The following COL1A2 variants were observed in gnomAD, a reference collection of about 807,000 sequenced individuals.
COL1A2 encodes the protein collagen alpha-2(I) chain.
Under a neutral mutation model 174.3 loss-of-function variants are expected in COL1A2, and 49 were observed. The ratio of observed to expected loss-of-function variants is 0.28; its 90% CI spans 0.22 to 0.36. The LOEUF is 0.36. Ranked by LOEUF, COL1A2 falls within the 10% of genes least tolerant of loss-of-function variation. COL1A2 has a pLI of 1.00. For missense variants in COL1A2, 1,438 were observed against 1,822.7 expected (o/e 0.79, Z 3.84); for synonymous variants, 655 against 606.6 (o/e 1.08, Z -1.17).
At chr7:94,411,573 C>T (rs1437576254) in intron 23 of COL1A2, among the ~76,000 whole-genome samples, 1 of 152,166 alleles carries the variant, frequency 6.6e-6, no homozygotes, top group Non-Finnish European at 1.5e-5. Flanking sequence ...TTCAGCATCA[C>T]ACTAGCTATG....
In COL1A2 at chr7:94,422,020, T is replaced by C. The variant is rs930455560; in HGVS notation, c.2403+68T>C. On this transcript the variant is annotated intron_variant, in intron 39 of 51. Transcript: ENST00000297268. Reference sequence around the variant, plus strand: ...AAAGGCCTGGCTTCTGATAGGAAACTGGTAAGAAACTCTTCATGAAAACAC... The same window carrying C: ...AAAGGCCTGGCTTCTGATAGGAAACCGGTAAGAAACTCTTCATGAAAACAC... 17 of 1,378,630 alleles carry C rather than the reference T, an allele frequency of 1.2e-5. No homozygotes were observed. The African/African-American group carries it at 1.9e-4, about 15-fold the overall frequency. 85.4% of individuals were successfully genotyped at this position (1,378,630 alleles called of 1,614,324 possible). A position where few individuals can be genotyped will look rare whatever the true frequency, so the allele number is the denominator to read the frequency against.
intron 14 of COL1A2, 26 bp from the exon 15 acceptor site, chr7:94,408,310 T>C (rs778411433): frequency 1.2e-6 from 2 of 1,614,186 alleles, no homozygotes; most frequent in East Asian, 2.2e-5. Flanking sequence ...AGTTTCCACC[T>C]GATCTTCCCT....
Position 94,421,056 on chromosome 7 carries a change from C to A in COL1A2, c.2343C>A (p.Gly781=). The change falls in exon 38 of 52, where the codon GGC becomes GGA. Residue 781 remains glycine (G), a synonymous_variant. Coordinates refer to ENST00000297268, the MANE Select transcript of COL1A2 (RefSeq NM_000089.4). ...CTGCTGGAAGTCGTGGTGATGGAGG[C>A]CCCCCTGTGAGTATTTACAATGGAC... is the stretch of plus-strand genomic sequence containing the variant. ...PGPAGSRGDG[G]PPGMTGFPGA... is the part of the protein sequence containing the mutation. The A allele has an allele frequency of 6.2e-7, 1 of 1,613,854 alleles. No homozygotes were observed. Among genetic ancestry groups the A allele is most frequent in the Admixed American group, 1.7e-5 (1 of 60,020 alleles).
chr7:94,395,006 G>A lies in COL1A2; in HGVS notation c.-26G>A, dbSNP rs998985050. On this transcript the variant is annotated 5_prime_UTR_variant, in exon 1 of 52. Transcript: ENST00000297268. ...GTGACCCAGGGGCTCTGCGACACAA[G>A]GAGTCTGCATGTCTAAGTGCTAGAC... is the stretch of plus-strand genomic sequence containing the variant. 4 of 1,610,348 alleles carry A rather than the reference G, an allele frequency of 2.5e-6. No individual in the cohort carries two copies. The Admixed American group carries it at 6.7e-5, about 27-fold the overall frequency.
At chr7:94,416,607 T>C in intron 31 of COL1A2, 104 bp downstream of exon 31, 3 of 929,590 alleles carry the variant, frequency 3.2e-6, no homozygotes, top group Non-Finnish European at 3.4e-6. Flanking sequence ...TTTATTTATT[T>C]CCAGTTCTGT....
intron 1 of COL1A2, 62 bp from the exon 2 acceptor site, chr7:94,397,686 G>A (rs1791610041): frequency 3.4e-6 from 3 of 883,258 alleles, no homozygotes; most frequent in African/African-American, 3.4e-5. Flanking sequence ...GTTAATTATT[G>A]CTATTGATCC....
chr7:94,414,239 A>C lies in COL1A2; in HGVS notation c.1683A>C (p.Ser561=). ...PPGFQGLPGP[S]GPAGEVGKPG... is the part of the protein sequence containing the mutation. ...ATTTTTAGGGTCTGCCTGGCCCCTC[A>C]GGTCCCGCTGGTGAAGTTGGCAAAC... is the stretch of plus-strand genomic sequence containing the variant. The change falls in exon 29 of 52, where the codon TCA becomes TCC. Residue 561 remains serine (S), a synonymous_variant. Coordinates refer to ENST00000297268, the MANE Select transcript of COL1A2 (RefSeq NM_000089.4). The C allele has an allele frequency of 6.2e-7, 1 of 1,613,804 alleles. No homozygotes were observed. The highest frequency in any genetic ancestry group is 2.2e-5 in the East Asian group (1 of 44,836).
At position 94,430,376 on chromosome 7, in the gene COL1A2, C is replaced by T. The variant is rs755358364; in HGVS notation, c.4084C>T (p.Pro1362Ser). The change falls in exon 52 of 52, where the codon CCA becomes TCA. Residue 1362 changes from proline to serine, a missense_variant. By Grantham distance (74) the Pro-to-Ser change is moderately conservative (BLOSUM62 -1). Around this residue, in one of 3 missense-constraint regions of COL1A2, gnomAD observed 290 missense variants for 298.1 expected, o/e 0.97. Coordinates refer to ENST00000297268, the MANE Select transcript of COL1A2 (RefSeq NM_000089.4). ...ADQEFFVDIG[P>S]VCFK is the part of the protein sequence containing the mutation. ...CCAGGAATTCTTTGTGGACATTGGC[C>T]CAGTCTGTTTCAAATAAATGAACTC... 2.3e-5 allele frequency: 37 copies of T among 1,613,732 alleles called. No individual in the cohort carries two copies. Among genetic ancestry groups the T allele is most frequent in the Admixed American group, 1.2e-4 (7 of 59,980 alleles).
intron 3 of COL1A2, 48 bp downstream of exon 3, chr7:94,398,444 A>T: frequency 1.2e-6 from 1 of 805,472 alleles, no homozygotes; most frequent in South Asian, 2.0e-5. Context: ...ATCAGGGATA[A>T]CATAATTTAA....
At chr7:94,424,204 G>C (rs1298164513) in intron 40 of COL1A2, 132 bp from the exon 41 acceptor site, 1 of 734,074 alleles carries the variant, frequency 1.4e-6, no homozygotes, top group African/African-American at 1.7e-5. Flanking sequence ...GATATCCAAG[G>C]ATATGTCCTA....
At chr7:94,398,083 T>C (rs993232693) in intron 2 of COL1A2, among the ~76,000 whole-genome samples, 2 of 152,154 alleles carry the variant, frequency 1.3e-5, no homozygotes, top group Non-Finnish European at 2.9e-5. Context: ...ATCTTTTCAC[T>C]CCTTTGGAAT....
rs1791868746 is a variant in COL1A2 at position 94,409,361 on chromosome 7, C to G, written c.832C>G (p.Pro278Ala). 14 of 1,614,126 alleles carry G rather than the reference C, an allele frequency of 8.7e-6. No homozygotes were observed. The highest frequency in any genetic ancestry group is 1.1e-5 in the Non-Finnish European group (13 of 1,180,020). ...GAVGNAGPAG[P>A]AGPRGEVGLP... ...TGTTGGTAACGCTGGTCCTGCTGGT[C>G]CCGCCGGTCCCCGTGGTGAAGTGGG... Residue 278 changes from proline (P) to alanine (A), a missense_variant, in exon 17 of 52, where the codon CCC becomes GCC. Coordinates refer to ENST00000297268, the MANE Select transcript of COL1A2 (RefSeq NM_000089.4).
chr7:94,404,208 C>T (rs181560900), intron 6 of COL1A2, among the ~76,000 whole-genome samples: 159 of 152,292 alleles, frequency 1.0e-3, no homozygotes, highest in African/African-American at 3.7e-3. Context: ...AATGGACATG[C>T]TTCATCTGCT....
Position 94,429,249 on chromosome 7 carries a change from G to A in COL1A2, c.3773G>A (p.Arg1258His), listed in dbSNP as rs200663095. The change falls in exon 51 of 52, where the codon CGC (arginine) becomes CAC (histidine). Residue 1258 changes from arginine to histidine, a missense_variant. This residue lies in a region of COL1A2 where 290 missense variants were observed against 298.1 expected (regional missense o/e 0.97). Transcript: ENST00000297268. ...ATGGCTACCCAACTTGCCTTCATGCGCCTGCTGGCCAACTATGCCTCTCAG... is the reference window on the plus strand; with the variant it reads ...ATGGCTACCCAACTTGCCTTCATGCACCTGCTGGCCAACTATGCCTCTCAG... Reference protein sequence around the residue: ...KEMATQLAFMRLLANYASQNI... With the variant: ...KEMATQLAFMHLLANYASQNI... 13 of 1,613,424 alleles carry A rather than the reference G, an allele frequency of 8.1e-6. No individual in the cohort carries two copies. Among genetic ancestry groups the A allele is most frequent in the Admixed American group, 1.7e-5 (1 of 59,956 alleles).
At chr7:94,400,568 A>ATATTTATTT (rs1791669904) in intron 5 of COL1A2, among the ~76,000 whole-genome samples, 2 of 152,158 alleles carry the variant, frequency 1.3e-5, no homozygotes, top group Non-Finnish European at 2.9e-5. Context: ...GTAAGGCACA[A>ATATTTATTT]ATAAGAGGTG....
intron 31 of COL1A2, chr7:94,416,855 C>T (rs2115918514): frequency 5.0e-6 from 1 of 200,194 alleles, no homozygotes; most frequent in East Asian, 1.2e-4. Context: ...AACATCTCAT[C>T]CCATAGAGTA....
At chr7:94,429,961 A>C in intron 51 of COL1A2, 2 of 467,052 alleles carry the variant, frequency 4.3e-6, no homozygotes, top group Non-Finnish European at 7.8e-6. Flanking sequence ...TACACACAAC[A>C]ATCCTAAAAA....
In COL1A2 at chr7:94,405,187, T is replaced by C. The variant is rs760058201; in HGVS notation, c.433-12T>C. 6.2e-7 allele frequency: 1 copy of C among 1,613,784 alleles called. No homozygotes were observed. The highest frequency in any genetic ancestry group is 8.5e-7 in the Non-Finnish European group (1 of 1,179,802). The stretch of plus-strand genomic sequence containing the variant: ...CAAGAAGAAGTTGACTCTACAATGT[T>C]TTCATGTTTAGGGTCACCCTGGAAA... On this transcript the variant is annotated splice_polypyrimidine_tract_variant and intron_variant, in intron 9 of 51. Coordinates refer to ENST00000297268, the MANE Select transcript of COL1A2 (RefSeq NM_000089.4).
In COL1A2 at chr7:94,410,505, C is replaced by T; in HGVS notation, c.1175C>T (p.Pro392Leu). ...AATGGGGAAGCTGGATCTGCCGGCC[C>T]TCCAGGACCTCCTGGGCTGAGAGTA... ...GPNGEAGSAG[P>L]PGPPGLRGSP... is the part of the protein sequence containing the mutation. Residue 392 changes from proline (P) to leucine (L), a missense_variant, in exon 21 of 52, where the codon CCT (proline) becomes CTT (leucine). By Grantham distance (98) the Pro-to-Leu change is moderately conservative. Coordinates refer to ENST00000297268, the MANE Select transcript of COL1A2 (RefSeq NM_000089.4). 1 of 1,549,788 alleles carries T rather than the reference C, an allele frequency of 6.5e-7. No homozygotes were observed. Among genetic ancestry groups the T allele is most frequent in the Non-Finnish European group, 8.7e-7 (1 of 1,146,938 alleles).
Sources: gnomAD v4.1 joint callset for allele counts (sites outside exome capture counted in the v4.1 genomes callset) on GRCh38, gnomAD v4.1.1 for gene constraint, gnomAD v4.1.1 regional missense constraint, MANE v1.5 for transcripts, NCBI Gene and HGNC (gene_info 2026-07-23, HGNC 2026-07-21) for gene names.